The following LRP8 variants were observed in gnomAD, a reference collection of about 807,000 sequenced individuals.
The protein encoded by LRP8 is LDL receptor related protein 8.
A neutral mutation model predicts 111.6 loss-of-function variants in LRP8; 46 were observed. The ratio of observed to expected loss-of-function variants is 0.41; its 90% CI spans 0.33 to 0.53. The LOEUF (loss-of-function observed/expected upper bound fraction) is 0.53, where lower values mean the gene tolerates loss of function less well. Among genes scored for constraint, LRP8 ranks in the 20% least tolerant of loss-of-function variants. LRP8 has a pLI of 0.20. For synonymous variants in LRP8, 464 were observed against 511.2 expected (o/e 0.91, Z 1.24); for missense variants, 959 against 1,297.4 (o/e 0.74, Z 4.01).
chr1:53,265,301 T>A lies in LRP8; in HGVS notation c.1428-905A>T, dbSNP rs1646508858. 2.0e-5 allele frequency among the ~76,000 whole-genome samples: 3 copies of A among 152,312 alleles called. No individual in the cohort carries two copies. The South Asian group carries it at 6.2e-4, about 32-fold the overall frequency. Reference sequence around the variant, plus strand: ...TAAGTCTCCAATCCCAACAGCTCTCTTACGATCCAGACTGCAAAGCTAACT... The same window carrying A: ...TAAGTCTCCAATCCCAACAGCTCTCATACGATCCAGACTGCAAAGCTAACT... On this transcript the variant is annotated intron_variant, in intron 9 of 18. Transcript: ENST00000306052.
At chr1:53,259,935 A>G (rs774662029) in intron 13 of LRP8, among the ~76,000 whole-genome samples, 13 of 152,242 alleles carry the variant, frequency 8.5e-5, no homozygotes, top group Non-Finnish European at 1.9e-4. Flanking sequence ...AGTTACAGTT[A>G]GAATTAATGT....
At chr1:53,324,218 G>A (rs866592866) in intron 2 of LRP8, among the ~76,000 whole-genome samples, 2 of 152,168 alleles carry the variant, frequency 1.3e-5, no homozygotes, top group Non-Finnish European at 2.9e-5. Context: ...GCTCCTCAGG[G>A]ACGAGCCAAC....
At chr1:53,278,742 C>G (rs1647008541) in intron 4 of LRP8, among the ~76,000 whole-genome samples, 2 of 145,170 alleles carry the variant, frequency 1.4e-5, no homozygotes, top group Admixed American at 1.4e-4. Context: ...TCTGGGAGTT[C>G]TGATGGGAAG....
chr1:53,289,536 A>AC, intron 3 of LRP8, 31 bp downstream of exon 3: 1 of 1,570,482 alleles, frequency 6.4e-7, no homozygotes, highest in Non-Finnish European at 8.7e-7. Context: ...ACTGAGGCCC[A>AC]CCCCCACCCA....
Position 53,262,655 on chromosome 1 carries a change from T to G in LRP8, c.1656-91A>C. On this transcript the variant is annotated intron_variant, in intron 10 of 18. Coordinates refer to ENST00000306052, the MANE Select transcript of LRP8 (RefSeq NM_004631.5). The surrounding 1 kb of genome is among the most constrained non-coding windows in gnomAD (Gnocchi z 4.8). ...AGAGCTCAATAACCCATTGACTAGT[T>G]GTGGTTTATGTTTAGTAGGGACTGA... is the stretch of plus-strand genomic sequence containing the variant. The G allele has an allele frequency of 1.0e-6, 1 of 971,268 alleles. No individual in the cohort carries two copies. The allele number at this position is 971,268 out of a possible 1,614,324, so 60.2% of individuals were successfully genotyped here.
chr1:53,268,267 T>A (rs1195545317), intron 8 of LRP8: 1 of 152,160 alleles, frequency 6.6e-6, no homozygotes, highest in East Asian at 1.9e-4. Context: ...CATGTTGGAG[T>A]GATCTTAAAT....
intron 14 of LRP8, 106 bp from the exon 15 acceptor site, chr1:53,257,570 G>T: frequency 1.2e-6 from 1 of 815,060 alleles, no homozygotes; most frequent in Non-Finnish European, 2.0e-6. Context: ...TAGCTCAAAT[G>T]CCACTTCTGT....
At chr1:53,259,024 A>C (rs549637206) in intron 13 of LRP8, among the ~76,000 whole-genome samples, 2 of 152,312 alleles carry the variant, frequency 1.3e-5, no homozygotes, top group African/African-American at 4.8e-5. Context: ...TATATATGCC[A>C]CACTTTCTTT....
chr1:53,279,233 G>A lies in LRP8; in HGVS notation c.496+1354C>T, dbSNP rs1260083239. 6.6e-6 allele frequency among the ~76,000 whole-genome samples: 1 copy of A among 152,044 alleles called. No homozygotes were observed. Among genetic ancestry groups the A allele is most frequent in the South Asian group, 2.1e-4 (1 of 4,820 alleles). On this transcript the variant is annotated intron_variant, in intron 4 of 18. Coordinates refer to ENST00000306052, the MANE Select transcript of LRP8 (RefSeq NM_004631.5). The surrounding 1 kb of genome is among the most constrained non-coding windows in gnomAD (Gnocchi z 4.4). ...ACGGAAGAAGCTCTGAGAGATGAGGGGTGGGAGGACTCTTTCCTCTGCCTA... is the reference window on the plus strand; with the variant it reads ...ACGGAAGAAGCTCTGAGAGATGAGGAGTGGGAGGACTCTTTCCTCTGCCTA...
intron 12 of LRP8, 106 bp downstream of exon 12, chr1:53,261,962 G>T: frequency 7.4e-7 from 1 of 1,356,320 alleles, no homozygotes; most frequent in Non-Finnish European, 1.0e-6. Flanking sequence ...TGGTTTCCCT[G>T]TTCCTGTTTT....
At chr1:53,289,540 C>G (rs749585037) in intron 3 of LRP8, 27 bp downstream of exon 3, 16 of 1,579,608 alleles carry the variant, frequency 1.0e-5, no homozygotes, top group Non-Finnish European at 1.3e-5. Context: ...AGGCCCACCC[C>G]CACCCAGACT....
Position 53,246,271 on chromosome 1 carries a change from C to G in LRP8, c.*747G>C, listed in dbSNP as rs530578778. 2 of 152,244 alleles carry G rather than the reference C, an allele frequency of 1.3e-5. No individual in the cohort carries two copies. Among genetic ancestry groups the G allele is most frequent in the African/African-American group, 4.8e-5 (2 of 41,536 alleles). 9.4% of individuals were successfully genotyped at this position (152,244 alleles called of 1,614,324 possible). ...GGTATCTATTTTCTGATCCAGATTTCCAAAGGCTTTTCTGAAAACTACAAG... is the reference window on the plus strand; with the variant it reads ...GGTATCTATTTTCTGATCCAGATTTGCAAAGGCTTTTCTGAAAACTACAAG... On this transcript the variant is annotated 3_prime_UTR_variant, in exon 19 of 19. Coordinates refer to ENST00000306052, the MANE Select transcript of LRP8 (RefSeq NM_004631.5).
chr1:53,302,919 G>A (rs149499926), intron 2 of LRP8, among the ~76,000 whole-genome samples: 1 of 150,164 alleles, frequency 6.7e-6, no homozygotes, highest in Admixed American at 6.7e-5. Context: ...AGGCGGCCTA[G>A]AGCCGTACTA....
chr1:53,321,736 C>A (rs1187687186), intron 2 of LRP8, among the ~76,000 whole-genome samples: 3 of 152,232 alleles, frequency 2.0e-5, no homozygotes, highest in East Asian at 3.9e-4. Flanking sequence ...TCAGCAAACA[C>A]TCCCAAGGCC....
At chr1:53,264,727 G>C (rs1248056919) in intron 9 of LRP8, among the ~76,000 whole-genome samples, 1 of 152,180 alleles carries the variant, frequency 6.6e-6, no homozygotes, top group Non-Finnish European at 1.5e-5. Flanking sequence ...GCGGGAGAAG[G>C]CTTTATAGTT....
intron 4 of LRP8, among the ~76,000 whole-genome samples, 183 bp from the exon 5 acceptor site, chr1:53,277,261 G>A (rs1012005938): frequency 2.0e-5 from 3 of 152,214 alleles, no homozygotes; most frequent in Admixed American, 6.5e-5. Context: ...GACATGCTAG[G>A]TGACTGGCAA....
rs377743358 is a variant in LRP8 at position 53,271,080 on chromosome 1, C to T, written c.1200G>A (p.Glu400=). 5.0e-6 allele frequency: 8 copies of T among 1,613,964 alleles called. No homozygotes were observed. In the African/African-American group the frequency reaches 1.1e-4, roughly 22 times the overall value. ...GGTCCATCTCGTAGCCAGGGTAGCA[C>T]TCACACTTAAAATAGCCCTTGTAAT... The part of the protein sequence containing the change: ...CVNYKGYFKC[E]CYPGYEMDLL... The change falls in exon 8 of 19, where the codon GAG becomes GAA. Residue 400 remains glutamate, a synonymous_variant. Transcript: ENST00000306052.
chr1:53,274,547 C>T (rs1646857641), intron 6 of LRP8, among the ~76,000 whole-genome samples: 2 of 152,192 alleles, frequency 1.3e-5, no homozygotes, highest in Non-Finnish European at 2.9e-5. Context: ...GCGAAAAGCC[C>T]CATGTGAAGC....
In LRP8 at chr1:53,317,660, C is replaced by T. The variant is rs140609231; in HGVS notation, c.244+9213G>A. Among the ~76,000 whole-genome samples, 41 of 152,314 alleles carry T rather than the reference C, an allele frequency of 2.7e-4. 1 individual carries two copies. The East Asian group carries it at 3.7e-3, about 14-fold the overall frequency. ...CACAGGCTCAGGAAGGGAAGGGAAA[C>T]GCTCATTTTCAGGGCCAGGCTCTGG... On this transcript the variant is annotated intron_variant, in intron 2 of 18. Coordinates refer to ENST00000306052, the MANE Select transcript of LRP8 (RefSeq NM_004631.5). The surrounding 1 kb of genome is among the most constrained non-coding windows in gnomAD (Gnocchi z 4.9).
Sources: allele counts gnomAD v4.1 joint callset (sites outside exome capture counted in the v4.1 genomes callset), GRCh38; gene constraint gnomAD v4.1.1; non-coding constraint Gnocchi (gnomAD v3.1); transcripts MANE v1.5; gene names NCBI Gene and HGNC (gene_info 2026-07-23, HGNC 2026-07-21).